Variants in RCOR1 observed in about 807,000 individuals in gnomAD.
The protein encoded by RCOR1 is REST corepressor 1, also known as REST corepressor.
Under a neutral mutation model 64.0 loss-of-function variants are expected in RCOR1, and 12 were observed. That is an observed-to-expected ratio of 0.19 (90% CI 0.12 to 0.30). RCOR1 has a LOEUF of 0.30. Among genes scored for constraint, RCOR1 ranks in the 10% least tolerant of loss-of-function variants. The pLI is 1.00. For synonymous variants in RCOR1, 279 were observed against 227.2 expected, an observed-to-expected ratio of 1.23 and a Z score of -2.05; for missense variants, 502 against 621.2, an observed-to-expected ratio of 0.81 and a Z score of 2.04.
chr14:102,630,081 A>C, intron 2 of RCOR1: 1 of 760,140 alleles, frequency 1.3e-6, no homozygotes, highest in Non-Finnish European at 1.6e-6. Flanking sequence ...CTCATGTTGA[A>C]ATTTGATCTC....
At chr14:102,624,801 CTT>C (rs1407725396) in intron 2 of RCOR1, among the ~76,000 whole-genome samples, 2 of 151,984 alleles carry the variant, frequency 1.3e-5, no homozygotes, top group East Asian at 3.9e-4. Context: ...TACTTAATCT[CTT>C]AGCCTCTTAA....
intron 3 of RCOR1, among the ~76,000 whole-genome samples, chr14:102,692,460 C>T (rs1175179988): frequency 6.6e-6 from 1 of 151,860 alleles, no homozygotes; most frequent in Admixed American, 6.6e-5. Flanking sequence ...CACACACACA[C>T]ACACACACAC....
intron 7 of RCOR1, among the ~76,000 whole-genome samples, chr14:102,711,835 T>G (rs1038413504): frequency 6.6e-6 from 1 of 152,220 alleles, no homozygotes; most frequent in Admixed American, 6.5e-5. Context: ...TAAAGTGATT[T>G]ATAATATTAT....
chr14:102,649,254 T>A (rs1894537102), intron 2 of RCOR1, among the ~76,000 whole-genome samples: 1 of 152,160 alleles, frequency 6.6e-6, no homozygotes, highest in South Asian at 2.1e-4. Context: ...TGAATAGTAT[T>A]TACTAGTCAT....
At position 102,680,745 on chromosome 14, in the gene RCOR1, C is replaced by T. The variant is rs993890747; in HGVS notation, c.362-1150C>T. Among the ~76,000 whole-genome samples, 2 of 152,154 alleles carry T rather than the reference C, an allele frequency of 1.3e-5. 1 individual carries two copies. Among genetic ancestry groups the T allele is most frequent in the East Asian group, 3.8e-4 (2 of 5,204 alleles). The stretch of plus-strand genomic sequence containing the variant: ...GCTTGAGCCTGGGAGGCAGAGGTTG[C>T]AGGGAGCCAAGATCACACCACTGCA... On this transcript the variant is annotated intron_variant, in intron 2 of 11. Transcript: ENST00000262241.
At chr14:102,705,664 C>T (rs1895838128) in intron 4 of RCOR1, among the ~76,000 whole-genome samples, 1 of 152,050 alleles carries the variant, frequency 6.6e-6, no homozygotes, top group South Asian at 2.1e-4. Flanking sequence ...TTGCTAAGTT[C>T]CCCAGGCTGG....
chr14:102,705,918 CCAACCTGGG>C (rs1321380092), intron 4 of RCOR1, among the ~76,000 whole-genome samples: 2 of 151,776 alleles, frequency 1.3e-5, no homozygotes, highest in African/African-American at 4.8e-5. Flanking sequence ...GAGTTGGAGA[CCAACCTGGG>C]CAACATGGCA....
intron 5 of RCOR1, among the ~76,000 whole-genome samples, chr14:102,707,978 T>C (rs1895888633): frequency 6.7e-6 from 1 of 149,588 alleles, no homozygotes; most frequent in Non-Finnish European, 1.5e-5. Context: ...TTTTTTTTTT[T>C]TTTTTGAGAT....
rs201715877 is a variant in RCOR1, at chr14:102,719,236, T to TTTC, written c.1054-1753_1054-1751dup. On this transcript the variant is annotated intron_variant, in intron 8 of 11. Transcript: ENST00000262241. ...TAGTTGGGACTACACAGCCTAGATATTTCTTCTTCTTCTTCTTCTTTTTTT... is the reference window on the plus strand; with the variant it reads ...TAGTTGGGACTACACAGCCTAGATATTTCTTCTTCTTCTTCTTCTTCTTTTTTT... Among the ~76,000 whole-genome samples the TTTC allele has an allele frequency of 1.3e-3, 202 of 151,964 alleles. 2 individuals are homozygous for TTTC. In the East Asian group the frequency reaches 0.034, roughly 26 times the overall value.
intron 2 of RCOR1, among the ~76,000 whole-genome samples, chr14:102,666,761 C>T (rs959302997): frequency 5.9e-5 from 9 of 152,122 alleles, no homozygotes; most frequent in African/African-American, 1.7e-4. Flanking sequence ...AGACCACAGA[C>T]GTAGAGTGCC....
intron 2 of RCOR1, among the ~76,000 whole-genome samples, chr14:102,616,964 T>C (rs1014768243): frequency 2.0e-5 from 3 of 152,208 alleles, no homozygotes; most frequent in Admixed American, 1.3e-4. Flanking sequence ...GGTCAACTCA[T>C]TGGCATACAA....
At chr14:102,723,538 A>G (rs772100780) in intron 11 of RCOR1, among the ~76,000 whole-genome samples, 2 of 152,244 alleles carry the variant, frequency 1.3e-5, no homozygotes, top group African/African-American at 4.8e-5. Context: ...CACGTCTATA[A>G]TATTGCCAAG....
At chr14:102,673,835 G>T (rs541796026) in intron 2 of RCOR1, among the ~76,000 whole-genome samples, 2 of 150,560 alleles carry the variant, frequency 1.3e-5, no homozygotes, top group Non-Finnish European at 3.0e-5. Flanking sequence ...GGCTGGTCTC[G>T]AACTCCCGAC....
At chr14:102,598,122 A>AATT (rs1893303065) in intron 2 of RCOR1, among the ~76,000 whole-genome samples, 1 of 151,468 alleles carries the variant, frequency 6.6e-6, no homozygotes, top group Admixed American at 6.6e-5. Context: ...GCGCAGCCCT[A>AATT]ATTTTGGTAT....
chr14:102,663,095 A>G (rs886187571), intron 2 of RCOR1, among the ~76,000 whole-genome samples: 1 of 152,154 alleles, frequency 6.6e-6, no homozygotes, highest in Non-Finnish European at 1.5e-5. Flanking sequence ...TTCTCTTGCT[A>G]GCAAATGAGT....
chr14:102,683,266 G>A (rs1357299041), intron 3 of RCOR1, among the ~76,000 whole-genome samples: 3 of 152,112 alleles, frequency 2.0e-5, no homozygotes, highest in Non-Finnish European at 4.4e-5. Context: ...TGGACAGCGA[G>A]CTCGGCTTGT....
chr14:102,656,876 G>C (rs141795825), intron 2 of RCOR1, among the ~76,000 whole-genome samples: 2 of 151,616 alleles, frequency 1.3e-5, no homozygotes, highest in South Asian at 4.2e-4. Context: ...TCCAGGTTCA[G>C]GTGATTCTCT....
intron 2 of RCOR1, among the ~76,000 whole-genome samples, chr14:102,612,067 C>T (rs929294771): frequency 6.6e-6 from 1 of 151,766 alleles, no homozygotes; most frequent in African/African-American, 2.4e-5. Flanking sequence ...TCAGCCTCCC[C>T]AGTAGCTGGG....
intron 2 of RCOR1, among the ~76,000 whole-genome samples, chr14:102,597,721 C>T (rs1595187358): frequency 6.7e-6 from 1 of 149,730 alleles, no homozygotes; most frequent in East Asian, 2.0e-4. Context: ...ACAGCCTCTG[C>T]CTCCCGGGTT....
Sources: gnomAD v4.1 joint callset for allele counts (sites outside exome capture counted in the v4.1 genomes callset) on GRCh38, gnomAD v4.1.1 for gene constraint, MANE v1.5 for transcripts, NCBI Gene and HGNC (gene_info 2026-07-23, HGNC 2026-07-21) for gene names.